ANO3: variants seen among roughly 807,000 people sequenced by gnomAD.
ANO3 encodes anoctamin-3.
ANO3 carries 99 observed loss-of-function variants against 144.8 expected under a neutral mutation model. The observed-to-expected ratio is 0.68, with a 90% CI of 0.58 to 0.81. The LOEUF (loss-of-function observed/expected upper bound fraction) is 0.81. Among genes scored for constraint, ANO3 ranks in the 30% least tolerant of loss-of-function variants. The pLI is 0.00. For synonymous variants in ANO3, 414 were observed against 392.6 expected (o/e 1.05, Z -0.64); for missense variants, 905 against 1,202.2 (o/e 0.75, Z 3.66).
chr11:26,564,759 A>T (rs1565109128), intron 14 of ANO3, among the ~76,000 whole-genome samples: 1 of 85,992 alleles, frequency 1.2e-5, no homozygotes. Context: ...ATATATATAT[A>T]TATATATATA....
chr11:26,451,708 T>C (rs1158617784), intron 3 of ANO3, among the ~76,000 whole-genome samples: 5 of 152,174 alleles, frequency 3.3e-5, no homozygotes, highest in African/African-American at 1.2e-4. Context: ...TAAATGTTCC[T>C]GTCTGACAGA....
chr11:26,630,242 ATAAT>A (rs1417700510), intron 18 of ANO3, among the ~76,000 whole-genome samples: 2 of 152,368 alleles, frequency 1.3e-5, no homozygotes, highest in Admixed American at 6.5e-5. Flanking sequence ...TTCTCCTTAT[ATAAT>A]TAATTGTAAA....
intron 14 of ANO3, among the ~76,000 whole-genome samples, chr11:26,583,195 A>G (rs1042493741): frequency 1.3e-5 from 2 of 152,206 alleles, no homozygotes; most frequent in African/African-American, 4.8e-5. Context: ...TCTCATTGTA[A>G]TTTAATAAAC....
intron 20 of ANO3, among the ~76,000 whole-genome samples, chr11:26,637,859 T>C (rs6484224): frequency 0.35 from 52,776 of 151,970 alleles, 9,760 homozygotes; most frequent in South Asian, 0.47. Context: ...GAGAAGACTG[T>C]CTTCCTTATG....
intron 1 of ANO3, among the ~76,000 whole-genome samples, chr11:26,376,194 T>C (rs1856401228): frequency 6.6e-6 from 1 of 152,104 alleles, no homozygotes; most frequent in South Asian, 2.1e-4. Context: ...AGTGAAATAA[T>C]TATACACATC....
intron 22 of ANO3, among the ~76,000 whole-genome samples, chr11:26,642,352 T>C (rs1388644151): frequency 4.2e-5 from 6 of 143,980 alleles, no homozygotes; most frequent in African/African-American, 1.5e-4. Flanking sequence ...CTTTTTTTTT[T>C]TTTTTTTTTT....
chr11:26,647,519 T>C (rs1186279076), intron 23 of ANO3, among the ~76,000 whole-genome samples, 190 bp from the exon 24 acceptor site: 1 of 152,240 alleles, frequency 6.6e-6, no homozygotes, highest in East Asian at 1.9e-4. Flanking sequence ...AGACGAGATA[T>C]ATCTTCTCTT....
At chr11:26,622,715 G>A (rs1355684783) in intron 17 of ANO3, among the ~76,000 whole-genome samples, 1 of 152,166 alleles carries the variant, frequency 6.6e-6, no homozygotes, top group Non-Finnish European at 1.5e-5. Flanking sequence ...GCTCAGTCGT[G>A]TTGTCTCACT....
chr11:26,399,278 C>T (rs1464965147), intron 1 of ANO3, among the ~76,000 whole-genome samples: 1 of 151,928 alleles, frequency 6.6e-6, no homozygotes, highest in Non-Finnish European at 1.5e-5. Context: ...GGGGCATTTT[C>T]ATTCCAAAAC....
At chr11:26,313,027 T>C (rs1485644480) in intron 1 of ANO3, among the ~76,000 whole-genome samples, 1 of 152,216 alleles carries the variant, frequency 6.6e-6, no homozygotes, top group African/African-American at 2.4e-5. Flanking sequence ...TTGTTTCAAA[T>C]CAGTTGTTCC....
intron 1 of ANO3, among the ~76,000 whole-genome samples, chr11:26,345,469 C>T (rs996358533): frequency 6.6e-6 from 1 of 152,164 alleles, no homozygotes; most frequent in African/African-American, 2.4e-5. Flanking sequence ...AGGAGAATGG[C>T]TTGAATCCAG....
At chr11:26,532,724 T>A (rs978044763) in intron 8 of ANO3, among the ~76,000 whole-genome samples, 1 of 152,108 alleles carries the variant, frequency 6.6e-6, no homozygotes, top group African/African-American at 2.4e-5. Context: ...CAAATCTTCA[T>A]ATGGCGTAGT....
intron 14 of ANO3, chr11:26,567,170 C>T: frequency 3.1e-6 from 4 of 1,311,192 alleles, no homozygotes; most frequent in Non-Finnish European, 4.0e-6. Flanking sequence ...TATTTAAAGC[C>T]AAGTCAACTG....
chr11:26,641,750 TTA>T, intron 21 of ANO3, 144 bp from the exon 22 acceptor site: 1 of 909,840 alleles, frequency 1.1e-6, no homozygotes, highest in Non-Finnish European at 1.5e-6. Flanking sequence ...TTTAACTTTT[TTA>T]AAAAACTTTT....
At chr11:26,418,260 T>C (rs1430988995) in intron 1 of ANO3, among the ~76,000 whole-genome samples, 1 of 152,084 alleles carries the variant, frequency 6.6e-6, no homozygotes, top group Admixed American at 6.6e-5. Context: ...TCAGGGTATG[T>C]TTGGGTTCAC....
At chr11:26,289,581 C>G (rs546805003) in intron 1 of ANO3, among the ~76,000 whole-genome samples, 12 of 95,918 alleles carry the variant, frequency 1.3e-4, no homozygotes, top group Non-Finnish European at 1.9e-4. Flanking sequence ...CACATATATC[C>G]TATATGTGTG....
chr11:26,647,770 A>G lies in ANO3; in HGVS notation c.2490A>G (p.Val830=), dbSNP rs1409044844. ...GILAVITNAF[V]IAITSDYIPR... is the part of the protein sequence containing the mutation. ...TGGCTGTGATCACCAATGCATTTGT[A>G]ATTGCTATTACTTCTGATTACATCC... Residue 830 remains valine, a synonymous_variant, in exon 24 of 27, where the codon GTA becomes GTG. Coordinates refer to ENST00000256737, the MANE Select transcript of ANO3 (RefSeq NM_031418.4). 1 of 1,613,164 alleles carries G rather than the reference A, an allele frequency of 6.2e-7. No individual in the cohort carries two copies. Among genetic ancestry groups the G allele is most frequent in the South Asian group, 1.1e-5 (1 of 90,920 alleles).
At chr11:26,448,982 A>C (rs529303889) in intron 3 of ANO3, among the ~76,000 whole-genome samples, 78 of 152,182 alleles carry the variant, frequency 5.1e-4, no homozygotes, top group Non-Finnish European at 9.6e-4. Context: ...AGCTTTAATA[A>C]AAGGAAGATT....
chr11:26,198,317 TC>T (rs1177642612), intron 1 of ANO3, among the ~76,000 whole-genome samples: 1 of 152,218 alleles, frequency 6.6e-6, no homozygotes, highest in East Asian at 1.9e-4. Flanking sequence ...GGAAATTTTT[TC>T]CATCTTCCAT....
Sources: gnomAD v4.1 joint callset for allele counts (sites outside exome capture counted in the v4.1 genomes callset) on GRCh38, gnomAD v4.1.1 for gene constraint, MANE v1.5 for transcripts, NCBI Gene and HGNC (gene_info 2026-07-23, HGNC 2026-07-21) for gene names.